Variants in GPR179 observed in about 807,000 individuals in gnomAD.
GPR179 encodes the protein probable G protein-coupled receptor 179.
A neutral mutation model predicts 70.8 loss-of-function variants in GPR179; 52 were observed. That is an observed-to-expected ratio of 0.73 (90% confidence interval 0.59 to 0.93). The LOEUF is 0.93. Ranked by LOEUF, GPR179 falls within the 40% of genes least tolerant of loss-of-function variation. GPR179 has a pLI of 0.00. For missense variants in GPR179, 2,734 were observed against 2,966.8 expected, an observed-to-expected ratio of 0.92 and a Z score of 1.82; for synonymous variants, 1,123 against 1,169.0, an observed-to-expected ratio of 0.96 and a Z score of 0.80.
chr17:38,339,262 G>A (rs1240080609), intron 2 of GPR179, 155 bp downstream of exon 2: 3 of 579,576 alleles, frequency 5.2e-6, no homozygotes, highest in Non-Finnish European at 9.3e-6. Flanking sequence ...TAAAAGCCTG[G>A]TATCTCACCT....
In GPR179 at chr17:38,334,536, G is replaced by A. The variant is rs2037386106; in HGVS notation, c.1784+168C>T. On this transcript the variant is annotated intron_variant, in intron 8 of 10. Coordinates refer to ENST00000616987, the MANE Select transcript of GPR179 (RefSeq NM_001004334.4). This position sits in a 1 kb window ranked among gnomAD's most constrained non-coding sequence, Gnocchi z 4.7. ...TCACCTGGGCCAGGCATGGAGTACA[G>A]AAGGGGCATCTGGGGGGTAGGGAGA... Among the ~76,000 whole-genome samples the A allele has an allele frequency of 6.6e-6, 1 of 151,902 alleles. No individual in the cohort carries two copies. The highest frequency in any genetic ancestry group is 2.4e-5 in the African/African-American group (1 of 41,340).
In GPR179 at chr17:38,343,557, T is replaced by C; in HGVS notation, c.233A>G (p.Glu78Gly). 1 of 1,613,786 alleles carries C rather than the reference T, an allele frequency of 6.2e-7. No individual in the cohort carries two copies. The highest frequency in any genetic ancestry group is 8.5e-7 in the Non-Finnish European group (1 of 1,180,006). Reference sequence around the variant, plus strand: ...TCCTGCCCCACGCGCTTCATAGCGCTCACTGCAATTCACCTGTGATAGCTG... The same window carrying C: ...TCCTGCCCCACGCGCTTCATAGCGCCCACTGCAATTCACCTGTGATAGCTG... The part of the protein sequence containing the change: ...AQQLSQVNCS[E>G]RYEARGAGAM... Residue 78 changes from glutamate (E) to glycine (G), a missense_variant, in exon 1 of 11, where the codon GAG becomes GGG. Physicochemically the swap from Glu to Gly is moderately conservative, Grantham distance 98. Transcript: ENST00000616987. The surrounding 1 kb of genome is among the most constrained non-coding windows in gnomAD (Gnocchi z 4.2).
In GPR179 at chr17:38,328,833, C is replaced by T. The variant is rs751926671; in HGVS notation, c.4736G>A (p.Arg1579Lys). The T allele has an allele frequency of 2.2e-5, 35 of 1,613,910 alleles. No homozygotes were observed. The highest frequency in any genetic ancestry group is 2.8e-5 in the Non-Finnish European group (33 of 1,180,008). Residue 1579 changes from arginine to lysine, a missense_variant, in exon 11 of 11, where the codon AGG becomes AAG. Transcript: ENST00000616987. ...AGGTGTTGCTTCCTGTGCCTCCGGC[C>T]TGAGATCTTCCTGTGGACACACCTG... ...ATQVCPQEDL[R>K]PEAQEATPAK...
rs2144256517 is a variant in GPR179 at position 38,328,029 on chromosome 17, A to G, written c.5540T>C (p.Leu1847Pro). Residue 1847 changes from leucine (L) to proline (P), a missense_variant, in exon 11 of 11, where the codon CTA (leucine) becomes CCA (proline). Physicochemically the swap from Leu to Pro is moderately conservative, Grantham distance 98 (BLOSUM62 -3). Transcript: ENST00000616987. ...CAGGGAAGTGAGTCTCCCCTTTTCT[A>G]GAGCTTTCTCCCTCTGCTCTGCTGA... Reference protein sequence around the residue: ...SESAEQREKALEKGRLTSLGE... With the variant: ...SESAEQREKAPEKGRLTSLGE... The G allele has an allele frequency of 1.2e-6, 2 of 1,613,988 alleles. No homozygotes were observed. The highest frequency in any genetic ancestry group is 4.5e-5 in the East Asian group (2 of 44,862).
At position 38,330,960 on chromosome 17, in the gene GPR179, T is replaced by C. The variant is rs1205935553; in HGVS notation, c.2609A>G (p.Glu870Gly). 1 of 1,611,968 alleles carries C rather than the reference T, an allele frequency of 6.2e-7. No homozygotes were observed. The change falls in exon 11 of 11, where the codon GAG (glutamate) becomes GGG (glycine). Residue 870 changes from glutamate (E) to glycine (G), a missense_variant. Glu to Gly is a moderately conservative substitution (Grantham distance 98). Coordinates refer to ENST00000616987, the MANE Select transcript of GPR179 (RefSeq NM_001004334.4). ...EETYRQAKER[E>G]ERKKAKAAMA... is the part of the protein sequence containing the mutation. ...GGCTGCCTTGGCCTTCTTCCGCTCC[T>C]CCCGCTCCTTTGCTTGCCGGTAGGT... is the stretch of plus-strand genomic sequence containing the variant.
Position 38,343,443 on chromosome 17 carries a change from T to C in GPR179, c.347A>G (p.Asn116Ser), listed in dbSNP as rs368193404. 10 of 1,614,108 alleles carry C rather than the reference T, an allele frequency of 6.2e-6. No homozygotes were observed. The African/African-American group carries it at 1.2e-4, about 19-fold the overall frequency. ...ANFLNMLLQANDIRESSVEED... is the reference protein window; with the variant it reads ...ANFLNMLLQASDIRESSVEED... ...CTCCACACTGGACTCACGGATGTCG[T>C]TGGCTTGCAGCAGCATGTTGAGAAA... The change falls in exon 1 of 11, where the codon AAC (asparagine) becomes AGC (serine). Residue 116 changes from asparagine to serine, a missense_variant. Asn to Ser is a conservative substitution (Grantham distance 46, BLOSUM62 1). Transcript: ENST00000616987. This position sits in a 1 kb window ranked among gnomAD's most constrained non-coding sequence, Gnocchi z 4.2.
At position 38,343,543 on chromosome 17, in the gene GPR179, G is replaced by C. The variant is rs375491523; in HGVS notation, c.247C>G (p.Arg83Gly). ...AGCCCTGGCATGGCTCCTGCCCCACGCGCTTCATAGCGCTCACTGCAATTC... is the reference window on the plus strand; with the variant it reads ...AGCCCTGGCATGGCTCCTGCCCCACCCGCTTCATAGCGCTCACTGCAATTC... ...QVNCSERYEA[R>G]GAGAMPGLPP... Residue 83 changes from arginine (R) to glycine (G), a missense_variant, in exon 1 of 11, where the codon CGT (arginine) becomes GGT (glycine). Coordinates refer to ENST00000616987, the MANE Select transcript of GPR179 (RefSeq NM_001004334.4). The surrounding 1 kb of genome is among the most constrained non-coding windows in gnomAD (Gnocchi z 4.2). 4 of 1,613,606 alleles carry C rather than the reference G, an allele frequency of 2.5e-6. No homozygotes were observed. The African/African-American group carries it at 5.3e-5, about 22-fold the overall frequency.
chr17:38,333,383 C>T lies in GPR179; in HGVS notation c.1905G>A (p.Gly635=), dbSNP rs749059311. Reference sequence around the variant, plus strand: ...CCACCATCTCCTCCCGGGGAGGAGCCCCCAGCTTCCAGAACTGGCAGGGGT... The same window carrying T: ...CCACCATCTCCTCCCGGGGAGGAGCTCCCAGCTTCCAGAACTGGCAGGGGT... ...LIFIPKFWKL[G]APPREEMVDE... Residue 635 remains glycine (G), a synonymous_variant, in exon 10 of 11, where the codon GGG becomes GGA. Coordinates refer to ENST00000616987, the MANE Select transcript of GPR179 (RefSeq NM_001004334.4). 1 of 1,613,690 alleles carries T rather than the reference C, an allele frequency of 6.2e-7. No individual in the cohort carries two copies. Among genetic ancestry groups the T allele is most frequent in the African/African-American group, 1.3e-5 (1 of 75,002 alleles).
rs1194940648 is a variant in GPR179 at position 38,329,468 on chromosome 17, G to T, written c.4101C>A (p.Gly1367=). 6.2e-7 allele frequency: 1 copy of T among 1,613,778 alleles called. No homozygotes were observed. The highest frequency in any genetic ancestry group is 1.3e-5 in the African/African-American group (1 of 74,816). ...TGATGTCAGGGGTATGAGCTTCTGG[G>T]CCAGCAGCTTCCCACCCAGGCTTCT... ...KVEKPGWEAA[G]PEAHTPDITK... Residue 1367 remains glycine, a synonymous_variant, in exon 11 of 11, where the codon GGC becomes GGA. Transcript: ENST00000616987.
At chr17:38,339,256 AGCCT>A (rs2037430037) in intron 2 of GPR179, 157 bp downstream of exon 2, 2 of 566,558 alleles carry the variant, frequency 3.5e-6, no homozygotes, top group Admixed American at 6.6e-5. Context: ...ACTTTTTAAA[AGCCT>A]GGTATCTCAC....
Position 38,335,648 on chromosome 17 carries a change from C to CAGCG in GPR179, c.1345_1348dup (p.Trp450SerfsTer102), listed in dbSNP as rs1462276573. On this transcript the variant is annotated frameshift_variant, in exon 6 of 11. Transcript: ENST00000616987. LOFTEE classifies it high-confidence loss of function. ...GATGGCAAAACCCAGCAGCCGCACCCAGCGAAGAGCGATGCAGCGGAATAC... is the reference window on the plus strand; with the variant it reads ...GATGGCAAAACCCAGCAGCCGCACCCAGCGAGCGAAGAGCGATGCAGCGGAATAC... 1 of 1,614,172 alleles carries CAGCG rather than the reference C, an allele frequency of 6.2e-7. No individual in the cohort carries two copies. The highest frequency in any genetic ancestry group is 1.3e-5 in the African/African-American group (1 of 75,034).
At position 38,330,749 on chromosome 17, in the gene GPR179, G is replaced by T. The variant is rs754447194; in HGVS notation, c.2820C>A (p.Pro940=). ...HPPIRHQVST[P]ILALSGGLGE... ...CCAGGCCCCCAGACAGGGCCAAGAT[G>T]GGGGTAGAAACCTGGTGCCTGATGG... Residue 940 remains proline, a synonymous_variant, in exon 11 of 11, where the codon CCC becomes CCA. Coordinates refer to ENST00000616987, the MANE Select transcript of GPR179 (RefSeq NM_001004334.4). The T allele has an allele frequency of 8.2e-6, 13 of 1,588,590 alleles. No homozygotes were observed. The highest frequency in any genetic ancestry group is 1.1e-5 in the Non-Finnish European group (13 of 1,165,204).
chr17:38,335,949 GT>G (rs1230897778), intron 5 of GPR179, 126 bp downstream of exon 5: 1 of 784,352 alleles, frequency 1.3e-6, no homozygotes, highest in Non-Finnish European at 2.3e-6. Context: ...GTGGGTAAGA[GT>G]AGGGGAAATC....
intron 5 of GPR179, among the ~76,000 whole-genome samples, 159 bp downstream of exon 5, chr17:38,335,917 C>A (rs1255436616): frequency 6.6e-6 from 1 of 152,196 alleles, no homozygotes; most frequent in Admixed American, 6.5e-5. Flanking sequence ...GGCTCCAGAG[C>A]TCATAGACCA....
Position 38,327,587 on chromosome 17 carries a change from G to T in GPR179, c.5982C>A (p.Ala1994=), listed in dbSNP as rs185715311. ...SQRLVSTGGR[A]ADVCPWDVPD... is the part of the protein sequence containing the mutation. ...GAACATCCCATGGGCACACGTCAGC[G>T]GCCCTGCCCCCAGTGCTGACCAGTC... The change falls in exon 11 of 11, where the codon GCC becomes GCA. Residue 1994 remains alanine (A), a synonymous_variant. Transcript: ENST00000616987. 1 of 1,614,034 alleles carries T rather than the reference G, an allele frequency of 6.2e-7. No individual in the cohort carries two copies. Among genetic ancestry groups the T allele is most frequent in the East Asian group, 2.2e-5 (1 of 44,858 alleles).
rs375574374 is a variant in GPR179, at chr17:38,328,270, C to T, written c.5299G>A (p.Val1767Met). 1.9e-6 allele frequency: 3 copies of T among 1,613,808 alleles called. No individual in the cohort carries two copies. The highest frequency in any genetic ancestry group is 2.7e-5 in the African/African-American group (2 of 74,912). The change falls in exon 11 of 11, where the codon GTG (valine) becomes ATG (methionine). Residue 1767 changes from valine to methionine, a missense_variant. Transcript: ENST00000616987. ...TGCTGAGAACAGGCCCCTGGACCCA[C>T]ACTCCCCCAGGGACAAGCCACCTCC... is the stretch of plus-strand genomic sequence containing the variant. ...EWEVACPWGSVGPGACSQHPG... is the reference protein window; with the variant it reads ...EWEVACPWGSMGPGACSQHPG...
Position 38,327,070 on chromosome 17 carries a change from C to T in GPR179, c.6499G>A (p.Glu2167Lys), listed in dbSNP as rs1048141576. 6.2e-7 allele frequency: 1 copy of T among 1,614,246 alleles called. No homozygotes were observed. The highest frequency in any genetic ancestry group is 8.5e-7 in the Non-Finnish European group (1 of 1,180,044). ...LQKAGPGGTEEHFSKAAAKPR... is the reference protein window; with the variant it reads ...LQKAGPGGTEKHFSKAAAKPR... Reference sequence around the variant, plus strand: ...TTTGCTGCTGCTTTTGAGAAGTGTTCTTCCGTCCCTCCAGGTCCTGCCTTC... The same window carrying T: ...TTTGCTGCTGCTTTTGAGAAGTGTTTTTCCGTCCCTCCAGGTCCTGCCTTC... The change falls in exon 11 of 11, where the codon GAA (glutamate) becomes AAA (lysine). Residue 2167 changes from glutamate (E) to lysine (K), a missense_variant. Glu to Lys is a moderately conservative substitution (Grantham distance 56). Coordinates refer to ENST00000616987, the MANE Select transcript of GPR179 (RefSeq NM_001004334.4).
chr17:38,326,391 G>T lies in GPR179; in HGVS notation c.*74C>A. ...CAAGCTGTCTTTGATTCAGCTCTTTGGGAACACCTGGACTTGGAAAGGGCC... is the reference window on the plus strand; with the variant it reads ...CAAGCTGTCTTTGATTCAGCTCTTTTGGAACACCTGGACTTGGAAAGGGCC... On this transcript the variant is annotated 3_prime_UTR_variant, in exon 11 of 11. Coordinates refer to ENST00000616987, the MANE Select transcript of GPR179 (RefSeq NM_001004334.4). 8.5e-7 allele frequency: 1 copy of T among 1,171,722 alleles called. No individual in the cohort carries two copies. The highest frequency in any genetic ancestry group is 1.2e-6 in the Non-Finnish European group (1 of 822,946). The allele number at this position is 1,171,722 out of a possible 1,614,324, so 72.6% of individuals were successfully genotyped here. A position where few individuals can be genotyped will look rare whatever the true frequency, so the allele number is the denominator to read the frequency against.
Position 38,330,245 on chromosome 17 carries a change from C to T in GPR179, c.3324G>A (p.Glu1108=). The change falls in exon 11 of 11, where the codon GAG becomes GAA. Residue 1108 remains glutamate (E), a synonymous_variant. Transcript: ENST00000616987. ...CGCTGTTCTGCCCCTCGGGACTCTC[C>T]TCCACACTCTCCTTCTCTCTGTAGG... is the stretch of plus-strand genomic sequence containing the variant. ...RSTYREKESV[E]ESPEGQNSGT... 1 of 1,588,046 alleles carries T rather than the reference C, an allele frequency of 6.3e-7. No homozygotes were observed.
Sources: allele counts gnomAD v4.1 joint callset (sites outside exome capture counted in the v4.1 genomes callset), GRCh38; gene constraint gnomAD v4.1.1; non-coding constraint Gnocchi (gnomAD v3.1); transcripts MANE v1.5; gene names NCBI Gene and HGNC (gene_info 2026-07-23, HGNC 2026-07-21).